PHYH: variants seen among roughly 807,000 people sequenced by gnomAD.
PHYH encodes the protein phytanoyl-CoA 2-hydroxylase.
Under a neutral mutation model 38.5 loss-of-function variants are expected in PHYH, and 32 were observed. The observed-to-expected ratio is 0.83, with a 90% CI of 0.63 to 1.12. The LOEUF (loss-of-function observed/expected upper bound fraction) is 1.12, where lower values mean the gene tolerates loss of function less well. Ranked by LOEUF, PHYH falls within the 50% of genes most tolerant of loss-of-function variation. The probability of loss-of-function intolerance (pLI) is 0.00; values close to 1 mark genes in which losing one functional copy is unlikely to be tolerated. For missense variants in PHYH, 426 were observed against 434.8 expected (o/e 0.98, Z 0.18); for synonymous variants, 166 against 157.9 (o/e 1.05, Z -0.38).
intron 5 of PHYH, 49 bp downstream of exon 5, chr10:13,291,782 C>G: frequency 7.8e-7 from 1 of 1,289,706 alleles, no homozygotes; most frequent in South Asian, 1.2e-5. Context: ...CCCAGCCAAC[C>G]TTACACATTT....
At chr10:13,289,319 C>T (rs1835642984) in intron 5 of PHYH, among the ~76,000 whole-genome samples, 1 of 152,122 alleles carries the variant, frequency 6.6e-6, no homozygotes. Flanking sequence ...CCTCAGCCTC[C>T]CGAGTAGCTG....
chr10:13,292,321 C>A (rs1414396), intron 4 of PHYH, among the ~76,000 whole-genome samples: 1 of 152,078 alleles, frequency 6.6e-6, no homozygotes, highest in African/African-American at 2.4e-5. Context: ...CGGAAGAAAG[C>A]AGAATGGTGG....
At chr10:13,288,711 C>T (rs371215390) in intron 5 of PHYH, among the ~76,000 whole-genome samples, 170 bp from the exon 6 acceptor site, 68 of 151,946 alleles carry the variant, frequency 4.5e-4, no homozygotes, top group African/African-American at 1.6e-3. Flanking sequence ...AGTGAGACTC[C>T]GTTTCTACAG....
chr10:13,288,974 G>C (rs924713835), intron 5 of PHYH, among the ~76,000 whole-genome samples: 2 of 128,710 alleles, frequency 1.6e-5, no homozygotes, highest in Non-Finnish European at 3.2e-5. Context: ...CTTATCCTTT[G>C]CCTGAAAAAA....
intron 1 of PHYH, chr10:13,299,395 C>T (rs1413131814): frequency 8.1e-6 from 8 of 992,982 alleles, no homozygotes; most frequent in Non-Finnish European, 9.7e-6. Context: ...ACAGGCAAGG[C>T]GTGTGCCGCC....
chr10:13,279,276 G>A (rs922750788), intron 8 of PHYH, among the ~76,000 whole-genome samples: 4 of 152,298 alleles, frequency 2.6e-5, no homozygotes, highest in South Asian at 4.1e-4. Flanking sequence ...GGGATTACAG[G>A]AGTGAGCCAC....
At chr10:13,289,757 C>A (rs1001565819) in intron 5 of PHYH, among the ~76,000 whole-genome samples, 3 of 151,106 alleles carry the variant, frequency 2.0e-5, no homozygotes, top group Non-Finnish European at 4.4e-5. Flanking sequence ...CATGATGAAA[C>A]CTCGTCTCTA....
intron 1 of PHYH, chr10:13,299,719 G>T (rs1832696604): frequency 7.7e-7 from 1 of 1,298,166 alleles, no homozygotes; most frequent in Non-Finnish European, 9.7e-7. Flanking sequence ...CAGGGATCCC[G>T]GAGGGCAGGG....
At chr10:13,298,900 A>G (rs988380912) in intron 1 of PHYH, among the ~76,000 whole-genome samples, 5 of 129,380 alleles carry the variant, frequency 3.9e-5, no homozygotes, top group African/African-American at 1.4e-4. Flanking sequence ...CAGCCTGACC[A>G]CAGAGCAAGA....
chr10:13,296,946 T>G (rs1043635740), intron 2 of PHYH, among the ~76,000 whole-genome samples: 3 of 151,908 alleles, frequency 2.0e-5, no homozygotes, highest in African/African-American at 7.2e-5. Flanking sequence ...AGAGCCAGAC[T>G]CGGTCTCAAA....
intron 8 of PHYH, among the ~76,000 whole-genome samples, chr10:13,280,268 T>C (rs1178276075): frequency 6.6e-6 from 1 of 151,562 alleles, no homozygotes; most frequent in Non-Finnish European, 1.5e-5. Flanking sequence ...CGCCCAGCCA[T>C]AAATACTCTA....
At chr10:13,293,762 G>T (rs1393216803) in intron 4 of PHYH, among the ~76,000 whole-genome samples, 5 of 151,862 alleles carry the variant, frequency 3.3e-5, no homozygotes. Flanking sequence ...ATTTAATCTT[G>T]TCCTAATTAA....
chr10:13,284,934 C>G (rs756720149), intron 6 of PHYH, among the ~76,000 whole-genome samples: 3 of 152,078 alleles, frequency 2.0e-5, no homozygotes, highest in Non-Finnish European at 4.4e-5. Context: ...GTGACCCACA[C>G]TAAGCTAATC....
chr10:13,281,568 G>C (rs1357458777), intron 7 of PHYH, among the ~76,000 whole-genome samples: 3 of 152,116 alleles, frequency 2.0e-5, no homozygotes, highest in African/African-American at 7.2e-5. Flanking sequence ...AATACCTTGA[G>C]ATAGAAAATA....
chr10:13,296,270 T>TGTTCAAAATGTTAACTACG (rs11271295), intron 2 of PHYH, among the ~76,000 whole-genome samples: 1 of 151,574 alleles, frequency 6.6e-6, no homozygotes, highest in African/African-American at 2.4e-5. Context: ...TTACGCTTTA[T>TGTTCAAAATGTTAACTACG]GTCACCAAAA....
chr10:13,285,762 A>G (rs1835533901), intron 6 of PHYH, among the ~76,000 whole-genome samples: 1 of 150,794 alleles, frequency 6.6e-6, no homozygotes, highest in South Asian at 2.1e-4. Context: ...ACGCCACCAC[A>G]CCAGGCTGAT....
intron 2 of PHYH, among the ~76,000 whole-genome samples, chr10:13,296,576 A>ATAT: frequency 6.6e-6 from 1 of 151,382 alleles, no homozygotes; most frequent in East Asian, 1.9e-4. Context: ...AAAAAAAAAA[A>ATAT]AAAAAAAAGT....
rs1425939786 is a variant in PHYH, at chr10:13,298,208, C to T, written c.113G>A (p.Ser38Asn). The stretch of plus-strand genomic sequence containing the variant: ...TTACTGGAATTGTTGAGGATGGAAA[C>T]TGGCAGAGGAAATAGTCCCTGAAGT... The part of the protein sequence containing the change: ...HPTSGTISSA[S>N]FHPQQFQYTL... The change falls in exon 2 of 9, where the codon AGT becomes AAT. Residue 38 changes from serine to asparagine, a missense_variant. Coordinates refer to ENST00000263038, the MANE Select transcript of PHYH (RefSeq NM_006214.4). 1 of 1,605,548 alleles carries T rather than the reference C, an allele frequency of 6.2e-7. No homozygotes were observed. Among genetic ancestry groups the T allele is most frequent in the African/African-American group, 1.3e-5 (1 of 74,770 alleles).
chr10:13,284,839 AG>A (rs1835507242), intron 6 of PHYH, among the ~76,000 whole-genome samples: 1 of 152,166 alleles, frequency 6.6e-6, no homozygotes, highest in Non-Finnish European at 1.5e-5. Flanking sequence ...GAGCATCCCC[AG>A]TTCCTTCTGG....
Sources: gnomAD v4.1 joint callset for allele counts (sites outside exome capture counted in the v4.1 genomes callset) on GRCh38, gnomAD v4.1.1 for gene constraint, MANE v1.5 for transcripts, NCBI Gene and HGNC (gene_info 2026-07-23, HGNC 2026-07-21) for gene names.